The following NFIX variants were observed in gnomAD, a reference collection of about 807,000 sequenced individuals.
NFIX encodes nuclear factor 1 X-type.
Under a neutral mutation model 53.3 loss-of-function variants are expected in NFIX, and 2 were observed. That is an observed-to-expected ratio of 0.04 (90% CI 0.02 to 0.12). The LOEUF (loss-of-function observed/expected upper bound fraction) is 0.12, where lower values mean the gene tolerates loss of function less well. NFIX is among the 10% of genes least tolerant of loss of function. NFIX has a pLI of 1.00. For synonymous variants in NFIX, 244 were observed against 289.0 expected, an observed-to-expected ratio of 0.84 and a Z score of 1.58; for missense variants, 310 against 674.5, an observed-to-expected ratio of 0.46 and a Z score of 5.99.
rs1171271419 is a variant in NFIX, at chr19:13,045,345, A to G, written c.559+19793A>G. On this transcript the variant is annotated intron_variant, in intron 2 of 10. Coordinates refer to ENST00000592199, the MANE Select transcript of NFIX (RefSeq NM_001365902.3). This position sits in a 1 kb window ranked among gnomAD's most constrained non-coding sequence, Gnocchi z 4.4. ...GTGAGGGTGGTTCTGCCCCTAGGGTATATTTGGTAGTGGCTGAAAACAGTT... is the reference window on the plus strand; with the variant it reads ...GTGAGGGTGGTTCTGCCCCTAGGGTGTATTTGGTAGTGGCTGAAAACAGTT... Among the ~76,000 whole-genome samples the G allele has an allele frequency of 6.6e-6, 1 of 151,968 alleles. No individual in the cohort carries two copies. The highest frequency in any genetic ancestry group is 1.5e-5 in the Non-Finnish European group (1 of 67,978).
At chr19:13,031,656 G>A (rs1055039896) in intron 2 of NFIX, among the ~76,000 whole-genome samples, 7 of 152,186 alleles carry the variant, frequency 4.6e-5, no homozygotes, top group South Asian at 2.1e-4. Flanking sequence ...TCCCGTAGGC[G>A]TAGGCGTGAA....
rs2018295965 is a variant in NFIX, at chr19:13,094,022, TG to T, written c.1495-612del. ...CAGGGAGCCTCAAGTCCTTCCTCAA[TG>T]TCTGGTGCCCTGAGGGTAGAGGATC... On this transcript the variant is annotated intron_variant, in intron 10 of 10. Transcript: ENST00000592199. This position sits in a 1 kb window ranked among gnomAD's most constrained non-coding sequence, Gnocchi z 4.3. 6.6e-6 allele frequency among the ~76,000 whole-genome samples: 1 copy of T among 152,102 alleles called. No individual in the cohort carries two copies. Among genetic ancestry groups the T allele is most frequent in the African/African-American group, 2.4e-5 (1 of 41,412 alleles).
At chr19:12,999,407 C>T (rs971866598) in intron 1 of NFIX, among the ~76,000 whole-genome samples, 1 of 151,856 alleles carries the variant, frequency 6.6e-6, no homozygotes, top group Non-Finnish European at 1.5e-5. Context: ...CTTCTGACCT[C>T]GTGATCCACC....
intron 1 of NFIX, 80 bp from the exon 2 acceptor site, chr19:13,024,941 C>T: frequency 1.3e-6 from 2 of 1,531,532 alleles, no homozygotes; most frequent in Non-Finnish European, 1.8e-6. Flanking sequence ...TGCTTTTCTC[C>T]TTCTCTCTTT....
At chr19:13,092,032 T>A (rs965275511) in intron 10 of NFIX, among the ~76,000 whole-genome samples, 6 of 151,750 alleles carry the variant, frequency 4.0e-5, no homozygotes, top group Admixed American at 2.6e-4. Context: ...AGCAGGCAGG[T>A]GTGTCTGGGA....
At position 13,073,135 on chromosome 19, in the gene NFIX, G is replaced by A. The variant is rs138566943; in HGVS notation, c.622+26G>A. ...GTCAGTGCCCCCCACCTGCCCAGCT[G>A]CCCTTATCCTTCATGCCCCTCCACT... On this transcript the variant is annotated intron_variant, in intron 3 of 10. Coordinates refer to ENST00000592199, the MANE Select transcript of NFIX (RefSeq NM_001365902.3). The surrounding 1 kb of genome is among the most constrained non-coding windows in gnomAD (Gnocchi z 4.5). The A allele has an allele frequency of 5.2e-4, 839 of 1,612,166 alleles. 10 individuals are homozygous for A. In the East Asian group the frequency reaches 0.016, roughly 30 times the overall value.
rs1452167851 is a variant in NFIX, at chr19:13,014,531, T to C, written c.28-10490T>C. On this transcript the variant is annotated intron_variant, in intron 1 of 10. Transcript: ENST00000592199. This position sits in a 1 kb window ranked among gnomAD's most constrained non-coding sequence, Gnocchi z 4.4. ...TCTCCCCTAAAAAGAATCAAGTATT[T>C]CTAGAGATCGCCTGCTCAGAGGGCT... The C allele has an allele frequency of 6.6e-6, 1 of 152,252 alleles. No individual in the cohort carries two copies. Among genetic ancestry groups the C allele is most frequent in the Admixed American group, 6.5e-5 (1 of 15,284 alleles). The allele number at this position is 152,252 out of a possible 1,614,324, so 9.4% of individuals were successfully genotyped here.
At chr19:13,092,774 C>A (rs776865631) in intron 10 of NFIX, among the ~76,000 whole-genome samples, 1 of 152,238 alleles carries the variant, frequency 6.6e-6, no homozygotes, top group Non-Finnish European at 1.5e-5. Flanking sequence ...CGGGCCTGGG[C>A]CAGAAGCCCA....
chr19:13,070,593 G>A (rs2016713611), intron 2 of NFIX: 1 of 152,468 alleles, frequency 6.6e-6, no homozygotes, highest in Admixed American at 6.5e-5. Context: ...GCTGAGCTGA[G>A]CATGTCAGGG....
At chr19:13,047,880 G>A (rs1489112551) in intron 2 of NFIX, among the ~76,000 whole-genome samples, 1 of 152,148 alleles carries the variant, frequency 6.6e-6, no homozygotes, top group Non-Finnish European at 1.5e-5. Context: ...CCGGTTAATT[G>A]CATGCCACCC....
intron 1 of NFIX, among the ~76,000 whole-genome samples, chr19:13,010,150 G>C (rs1270679864): frequency 6.6e-6 from 1 of 152,146 alleles, no homozygotes; most frequent in Non-Finnish European, 1.5e-5. Context: ...GAGTTGCCTC[G>C]GCCAAAACCA....
At chr19:13,026,293 G>A (rs1466797698) in intron 2 of NFIX, among the ~76,000 whole-genome samples, 1 of 152,072 alleles carries the variant, frequency 6.6e-6, no homozygotes, top group Non-Finnish European at 1.5e-5. Context: ...CCCTGGCACT[G>A]GGGAGCAGAG....
chr19:13,023,641 T>C (rs575482171), intron 1 of NFIX, among the ~76,000 whole-genome samples: 8 of 148,190 alleles, frequency 5.4e-5, no homozygotes, highest in African/African-American at 2.0e-4. Flanking sequence ...TTTTTTTTTT[T>C]TTTTAAACTG....
rs2015203196 is a variant in NFIX, at chr19:13,049,630, G to T, written c.560-23417G>T. Among the ~76,000 whole-genome samples, 2 of 145,874 alleles carry T rather than the reference G, an allele frequency of 1.4e-5. No homozygotes were observed. The highest frequency in any genetic ancestry group is 2.6e-5 in the African/African-American group (1 of 39,186). ...TTTTTTTGAGACAGAGTCTTACTCT[G>T]TCGCCCAGGCTGGAGTGCAGTGGCG... is the stretch of plus-strand genomic sequence containing the variant. On this transcript the variant is annotated intron_variant, in intron 2 of 10. Transcript: ENST00000592199. The surrounding 1 kb of genome is among the most constrained non-coding windows in gnomAD (Gnocchi z 4.5).
In NFIX at chr19:13,078,853, T is replaced by C; in HGVS notation, c.1078+118T>C. On this transcript the variant is annotated intron_variant, in intron 7 of 10. Coordinates refer to ENST00000592199, the MANE Select transcript of NFIX (RefSeq NM_001365902.3). This position sits in a 1 kb window ranked among gnomAD's most constrained non-coding sequence, Gnocchi z 4.7. ...GAGTGACAGCCCCACGCTCTCCAAG[T>C]GGGCCAAGGTGCAGCAGCGGGTGGG... 1 of 1,218,136 alleles carries C rather than the reference T, an allele frequency of 8.2e-7. No individual in the cohort carries two copies. The highest frequency in any genetic ancestry group is 1.1e-6 in the Non-Finnish European group (1 of 896,196). The allele number at this position is 1,218,136 out of a possible 1,614,324, so 75.5% of individuals were successfully genotyped here.
At chr19:13,042,600 T>A (rs2014715840) in intron 2 of NFIX, among the ~76,000 whole-genome samples, 1 of 152,026 alleles carries the variant, frequency 6.6e-6, no homozygotes, top group Non-Finnish European at 1.5e-5. Context: ...GCAAGTGATC[T>A]TTCCGCCTCA....
intron 2 of NFIX, among the ~76,000 whole-genome samples, chr19:13,061,489 G>C (rs1476237945): frequency 6.6e-6 from 1 of 152,174 alleles, no homozygotes; most frequent in Non-Finnish European, 1.5e-5. Flanking sequence ...TGGGCCGGTC[G>C]CTGGCCGCGC....
At chr19:13,048,820 C>T (rs1484331637) in intron 2 of NFIX, among the ~76,000 whole-genome samples, 1 of 152,242 alleles carries the variant, frequency 6.6e-6, no homozygotes, top group African/African-American at 2.4e-5. Flanking sequence ...TGCCTATAAT[C>T]CCAACATTTT....
chr19:13,055,632 G>C (rs74558270), intron 2 of NFIX, among the ~76,000 whole-genome samples: 2 of 151,970 alleles, frequency 1.3e-5, no homozygotes, highest in South Asian at 2.1e-4. Context: ...GGCTGGGGGA[G>C]GGGGGGGTCT....
Sources: gnomAD v4.1 joint callset for allele counts (sites outside exome capture counted in the v4.1 genomes callset) on GRCh38, gnomAD v4.1.1 for gene constraint, Gnocchi (gnomAD v3.1) non-coding constraint, MANE v1.5 for transcripts, NCBI Gene and HGNC (gene_info 2026-07-23, HGNC 2026-07-21) for gene names.